The following CENPF variants were observed in gnomAD, a reference collection of about 807,000 sequenced individuals.
CENPF encodes the protein AH antigen.
Under a neutral mutation model 307.3 loss-of-function variants are expected in CENPF, and 214 were observed. That is an observed-to-expected ratio of 0.70 (90% CI 0.62 to 0.78). CENPF has a LOEUF of 0.78. Ranked by LOEUF, CENPF falls within the 30% of genes least tolerant of loss-of-function variation. The pLI is 0.00. For synonymous variants in CENPF, 1,259 were observed against 1,270.6 expected, an observed-to-expected ratio of 0.99 and a Z score of 0.19; for missense variants, 3,401 against 3,483.9, an observed-to-expected ratio of 0.98 and a Z score of 0.60.
chr1:214,625,038 T>C (rs1418911520), intron 7 of CENPF, among the ~76,000 whole-genome samples: 1 of 152,176 alleles, frequency 6.6e-6, no homozygotes, highest in Non-Finnish European at 1.5e-5. Flanking sequence ...GTGTCCATGG[T>C]AATTTTCTTT....
chr1:214,663,243 A>G (rs1281473698), intron 19 of CENPF, among the ~76,000 whole-genome samples: 2 of 152,224 alleles, frequency 1.3e-5, no homozygotes, highest in Non-Finnish European at 2.9e-5. Flanking sequence ...AACAACAGGA[A>G]TGGCTAGTTA....
intron 1 of CENPF, chr1:214,608,336 C>T: frequency 1.9e-6 from 3 of 1,603,762 alleles, no homozygotes; most frequent in South Asian, 1.1e-5. Context: ...GCCTGCCAGG[C>T]GGCGTCGATG....
Position 214,640,135 on chromosome 1 carries a change from G to A in CENPF, c.1797G>A (p.Leu599=). The change falls in exon 12 of 20, where the codon CTG becomes CTA. Residue 599 remains leucine, a synonymous_variant. Coordinates refer to ENST00000366955, the MANE Select transcript of CENPF (RefSeq NM_016343.4). Reference sequence around the variant, plus strand: ...CAGAGAAAGAGTCCAAAGCCTTGCTGAGTGCTTTAGAGTTAAAAAAGAAAG... The same window carrying A: ...CAGAGAAAGAGTCCAAAGCCTTGCTAAGTGCTTTAGAGTTAAAAAAGAAAG... ...SKTEKESKAL[L]SALELKKKEY... The A allele has an allele frequency of 6.3e-7, 1 of 1,581,948 alleles. No individual in the cohort carries two copies. The highest frequency in any genetic ancestry group is 8.5e-7 in the Non-Finnish European group (1 of 1,171,186).
chr1:214,646,355 A>G lies in CENPF; in HGVS notation c.6785A>G (p.Gln2262Arg), dbSNP rs369704485. Residue 2262 changes from glutamine (Q) to arginine (R), a missense_variant, in exon 13 of 20, where the codon CAG becomes CGG. Transcript: ENST00000366955. The part of the protein sequence containing the change: ...EESKTAVEML[Q>R]NQLKELNEAV... ...TCTAAAACTGCAGTGGAGATGCTTC[A>G]GAATCAGTTAAAGGAGCTAAATGAG... 28 of 1,614,028 alleles carry G rather than the reference A, an allele frequency of 1.7e-5. No homozygotes were observed. In the African/African-American group the frequency reaches 3.2e-4, roughly 18 times the overall value.
chr1:214,655,060 T>C lies in CENPF; in HGVS notation c.8323-181T>C, dbSNP rs901355458. On this transcript the variant is annotated intron_variant, in intron 16 of 19. Transcript: ENST00000366955. ...GAGAATGACAAAACCACATTGTCAG[T>C]TGGGGGGACTTAGGAAACTGAGTAG... 5.0e-5 allele frequency: 20 copies of C among 399,656 alleles called. No individual in the cohort carries two copies. In the East Asian group the frequency reaches 5.3e-4, roughly 11 times the overall value. The allele number at this position is 399,656 out of a possible 1,614,324, so 24.8% of individuals were successfully genotyped here. A position where few individuals can be genotyped will look rare whatever the true frequency, so the allele number is the denominator to read the frequency against.
chr1:214,608,763 G>A (rs1657112133), intron 1 of CENPF: 3 of 1,600,228 alleles, frequency 1.9e-6, no homozygotes, highest in African/African-American at 1.3e-5. Flanking sequence ...GCAGGAAGGC[G>A]AGCTTGGCAG....
In CENPF at chr1:214,640,989, G is replaced by A. The variant is rs763766300; in HGVS notation, c.2651G>A (p.Arg884His). ...AGTTTTGTGGCTGAAACAAGTCAGC[G>A]CATTAGTAAGTTACAGGAAGACACT... ...HQSFVAETSQ[R>H]ISKLQEDTSA... The change falls in exon 12 of 20, where the codon CGC becomes CAC. Residue 884 changes from arginine (R) to histidine (H), a missense_variant. By Grantham distance (29) the Arg-to-His change is conservative. Transcript: ENST00000366955. 1.2e-5 allele frequency: 19 copies of A among 1,590,490 alleles called. No homozygotes were observed. The highest frequency in any genetic ancestry group is 7.5e-5 in the Admixed American group (4 of 53,662).
chr1:214,616,985 CCTCT>C (rs1356417390), intron 3 of CENPF, among the ~76,000 whole-genome samples: 2 of 134,052 alleles, frequency 1.5e-5, no homozygotes, highest in East Asian at 2.2e-4. Flanking sequence ...TCCCTCCCTC[CCTCT>C]CTCTCTTTCT....
intron 1 of CENPF, among the ~76,000 whole-genome samples, chr1:214,611,087 G>A (rs1657187664): frequency 1.3e-5 from 2 of 152,172 alleles, no homozygotes. Flanking sequence ...CTGTAGCCCT[G>A]TAGTATAGTT....
rs1023653776 is a variant in CENPF, at chr1:214,664,316, G to A, written c.*522G>A. The A allele has an allele frequency of 6.5e-6, 1 of 153,718 alleles. No individual in the cohort carries two copies. The highest frequency in any genetic ancestry group is 2.4e-5 in the African/African-American group (1 of 41,464). 9.5% of individuals were successfully genotyped at this position (153,718 alleles called of 1,614,324 possible). ...TGTGCACACATATACATGTAGGAGTGTTTATCTTTCTCTTACAATCTGTTT... is the reference window on the plus strand; with the variant it reads ...TGTGCACACATATACATGTAGGAGTATTTATCTTTCTCTTACAATCTGTTT... On this transcript the variant is annotated 3_prime_UTR_variant, in exon 20 of 20. Coordinates refer to ENST00000366955, the MANE Select transcript of CENPF (RefSeq NM_016343.4).
chr1:214,661,103 C>T (rs1558194344), intron 19 of CENPF, among the ~76,000 whole-genome samples: 1 of 152,214 alleles, frequency 6.6e-6, no homozygotes, highest in Non-Finnish European at 1.5e-5. Flanking sequence ...GGGGCCTGCT[C>T]TCCTCACTGC....
Position 214,638,011 on chromosome 1 carries a change from C to T in CENPF, c.1582+10C>T, listed in dbSNP as rs755446701. 1.6e-5 allele frequency: 25 copies of T among 1,605,342 alleles called. No homozygotes were observed. The East Asian group carries it at 4.9e-4, about 32-fold the overall frequency. ...GCAGAAGAAATGAAAGGTAAGTAAA[C>T]TTAGTATTTTAGAGTTACCTTTCTA... is the stretch of plus-strand genomic sequence containing the variant. On this transcript the variant is annotated intron_variant, in intron 11 of 19. Transcript: ENST00000366955.
chr1:214,642,967 G>A lies in CENPF; in HGVS notation c.4629G>A (p.Ser1543=), dbSNP rs750577856. The A allele has an allele frequency of 9.3e-6, 15 of 1,612,810 alleles. No homozygotes were observed. Among genetic ancestry groups the A allele is most frequent in the Middle Eastern group, 1.7e-4 (1 of 6,050 alleles). ...EENLTRKETP[S]APAKGVEELE... The stretch of plus-strand genomic sequence containing the variant: ...ATCTGACCAGGAAAGAAACCCCTTC[G>A]GCCCCAGCGAAGGGTGTTGAAGAGC... The change falls in exon 12 of 20, where the codon TCG becomes TCA. Residue 1543 remains serine (S), a synonymous_variant. Coordinates refer to ENST00000366955, the MANE Select transcript of CENPF (RefSeq NM_016343.4).
In CENPF at chr1:214,618,651, A is replaced by G. The variant is rs759194758; in HGVS notation, c.438A>G (p.Gln146=). 5.0e-6 allele frequency: 8 copies of G among 1,613,932 alleles called. No homozygotes were observed. The highest frequency in any genetic ancestry group is 6.8e-6 in the Non-Finnish European group (8 of 1,179,960). The change falls in exon 4 of 20, where the codon CAA becomes CAG. Residue 146 remains glutamine, a synonymous_variant. Coordinates refer to ENST00000366955, the MANE Select transcript of CENPF (RefSeq NM_016343.4). The part of the protein sequence containing the change: ...DVSLNPCNTP[Q]KIFTTPLTPS... ...CTCTGAATCCATGCAATACACCACAAAAAATTTTTACAACTCCACTAACAC... is the reference window on the plus strand; with the variant it reads ...CTCTGAATCCATGCAATACACCACAGAAAATTTTTACAACTCCACTAACAC...
chr1:214,651,592 G>A, intron 14 of CENPF, 118 bp from the exon 15 acceptor site: 1 of 698,276 alleles, frequency 1.4e-6, no homozygotes, highest in Admixed American at 3.3e-5. Context: ...ATTCTGTACA[G>A]ATTTTATCTT....
chr1:214,605,638 T>G (rs1427784672), intron 1 of CENPF: 3 of 1,521,094 alleles, frequency 2.0e-6, no homozygotes, highest in Admixed American at 1.9e-5. Flanking sequence ...GTCCGGGGGC[T>G]GCCTTATTGC....
In CENPF at chr1:214,613,713, G is replaced by T; in HGVS notation, c.-41-1G>T. The T allele has an allele frequency of 6.5e-7, 1 of 1,539,846 alleles. No individual in the cohort carries two copies. Among genetic ancestry groups the T allele is most frequent in the Non-Finnish European group, 8.7e-7 (1 of 1,145,234 alleles). On this transcript the variant is annotated splice_acceptor_variant, in intron 1 of 19. Transcript: ENST00000366955. LOFTEE classifies it low-confidence loss of function (5UTR_SPLICE). ...ACCAACAGTCTGGTTATTCTTTTCA[G>T]TTTATTTACAAATGTTGGAGTAATA...
At chr1:214,616,412 A>G (rs956711624) in intron 3 of CENPF, among the ~76,000 whole-genome samples, 2 of 152,200 alleles carry the variant, frequency 1.3e-5, no homozygotes, top group South Asian at 2.1e-4. Flanking sequence ...AACGTCCAAT[A>G]TGGTAGTCAC....
chr1:214,639,618 G>T (rs892035413), intron 11 of CENPF, among the ~76,000 whole-genome samples: 1 of 152,172 alleles, frequency 6.6e-6, no homozygotes, highest in Non-Finnish European at 1.5e-5. Context: ...ACAAAGAAAA[G>T]AAACAGTGCT....
Sources: gnomAD v4.1 joint callset for allele counts (sites outside exome capture counted in the v4.1 genomes callset) on GRCh38, gnomAD v4.1.1 for gene constraint, MANE v1.5 for transcripts, NCBI Gene and HGNC (gene_info 2026-07-23, HGNC 2026-07-21) for gene names.